Variants in LRP6 observed in about 807,000 individuals in gnomAD.
LRP6 encodes the protein low-density lipoprotein receptor-related protein 6.
A neutral mutation model predicts 184.1 loss-of-function variants in LRP6; 43 were observed. That is an observed-to-expected ratio of 0.23 (90% CI 0.18 to 0.30). The LOEUF (loss-of-function observed/expected upper bound fraction) is 0.30, where lower values mean the gene tolerates loss of function less well. LRP6 is among the 10% of genes least tolerant of loss of function. The pLI, the probability that LRP6 is intolerant of heterozygous loss-of-function variation, is 1.00. For missense variants in LRP6, 1,571 were observed against 2,005.3 expected, an observed-to-expected ratio of 0.78 and a Z score of 4.14; for synonymous variants, 719 against 684.9, an observed-to-expected ratio of 1.05 and a Z score of -0.78.
At chr12:12,213,717 C>T (rs1482523259) in intron 2 of LRP6, among the ~76,000 whole-genome samples, 5 of 151,930 alleles carry the variant, frequency 3.3e-5, no homozygotes, top group Non-Finnish European at 5.9e-5. Context: ...ACGGTAAATT[C>T]TTCTAGTATG....
chr12:12,190,613 T>A (rs1267655331), intron 3 of LRP6, among the ~76,000 whole-genome samples: 1 of 152,224 alleles, frequency 6.6e-6, no homozygotes, highest in Admixed American at 6.5e-5. Context: ...ACTGGACTTA[T>A]CCTTTATAAA....
In LRP6 at chr12:12,156,255, G is replaced by A. The variant is rs186122708; in HGVS notation, c.2791+2574C>T. 5.3e-5 allele frequency among the ~76,000 whole-genome samples: 8 copies of A among 152,236 alleles called. No individual in the cohort carries two copies. The East Asian group carries it at 1.5e-3, about 29-fold the overall frequency. ...TTAAGCAAAGACTTGGACGTGAAGGGTATCCACGCAAATATATGCAATAAC... is the reference window on the plus strand; with the variant it reads ...TTAAGCAAAGACTTGGACGTGAAGGATATCCACGCAAATATATGCAATAAC... On this transcript the variant is annotated intron_variant, in intron 12 of 22. Transcript: ENST00000261349.
intron 22 of LRP6, 119 bp from the exon 23 acceptor site, chr12:12,121,539 T>A: frequency 1.1e-6 from 1 of 950,994 alleles, no homozygotes; most frequent in African/African-American, 1.6e-5. Context: ...TACTGCAATT[T>A]AAATTTACAC....
At chr12:12,252,471 A>G (rs775489287) in intron 1 of LRP6, among the ~76,000 whole-genome samples, 17 of 152,260 alleles carry the variant, frequency 1.1e-4, no homozygotes, top group Middle Eastern at 3.2e-3. Context: ...AGTTTAAGTT[A>G]AATTTGTATA....
chr12:12,127,181 A>T (rs1332479171), intron 19 of LRP6, among the ~76,000 whole-genome samples: 2 of 152,260 alleles, frequency 1.3e-5, no homozygotes, highest in Non-Finnish European at 2.9e-5. Flanking sequence ...AATTGTAAAC[A>T]GATAGAAACA....
chr12:12,159,044 T>C lies in LRP6; in HGVS notation c.2576A>G (p.Asn859Ser). ...GGTGCGGTTTTGGCCACTGGTTTTGTTGGCACGCTCAATGCTGCGTCGGCT... is the reference window on the plus strand; with the variant it reads ...GGTGCGGTTTTGGCCACTGGTTTTGCTGGCACGCTCAATGCTGCGTCGGCT... ...DWSRRSIERA[N>S]KTSGQNRTII... The change falls in exon 12 of 23, where the codon AAC (asparagine) becomes AGC (serine). Residue 859 changes from asparagine to serine, a missense_variant. Around this residue, in one of 4 missense-constraint regions of LRP6, gnomAD observed 158 missense variants for 258.4 expected, o/e 0.61. Transcript: ENST00000261349. 1 of 1,614,192 alleles carries C rather than the reference T, an allele frequency of 6.2e-7. No individual in the cohort carries two copies. The highest frequency in any genetic ancestry group is 1.1e-5 in the South Asian group (1 of 91,078).
At chr12:12,228,473 G>A (rs1409699726) in intron 2 of LRP6, among the ~76,000 whole-genome samples, 2 of 152,194 alleles carry the variant, frequency 1.3e-5, no homozygotes, top group Non-Finnish European at 2.9e-5. Context: ...TGAGTCTTTA[G>A]TCTCAGGATC....
intron 7 of LRP6, among the ~76,000 whole-genome samples, chr12:12,179,329 C>T (rs1040330595): frequency 2.0e-5 from 3 of 151,652 alleles, no homozygotes; most frequent in Admixed American, 6.6e-5. Flanking sequence ...ATATATTCTA[C>T]CATCTGCCCC....
chr12:12,188,689 A>C (rs994804951), intron 3 of LRP6, among the ~76,000 whole-genome samples: 3 of 152,168 alleles, frequency 2.0e-5, no homozygotes, highest in Non-Finnish European at 4.4e-5. Context: ...TCTCTTCCCT[A>C]AGTAAAAAGC....
chr12:12,129,902 A>G (rs1949724134), intron 19 of LRP6, among the ~76,000 whole-genome samples: 1 of 152,024 alleles, frequency 6.6e-6, no homozygotes, highest in African/African-American at 2.4e-5. Context: ...GATCAAGTCC[A>G]TCTTTGTCCC....
intron 7 of LRP6, among the ~76,000 whole-genome samples, chr12:12,179,284 T>C (rs1345445574): frequency 1.3e-5 from 2 of 152,116 alleles, no homozygotes; most frequent in Non-Finnish European, 2.9e-5. Flanking sequence ...TAAATCAATT[T>C]TAAAATTGTT....
At chr12:12,253,183 G>A (rs1865367330) in intron 1 of LRP6, among the ~76,000 whole-genome samples, 1 of 152,158 alleles carries the variant, frequency 6.6e-6, no homozygotes, top group Non-Finnish European at 1.5e-5. Flanking sequence ...AGAATCACTG[G>A]AACCCAGAAG....
chr12:12,215,648 G>A (rs1864323762), intron 2 of LRP6, among the ~76,000 whole-genome samples: 1 of 151,768 alleles, frequency 6.6e-6, no homozygotes, highest in African/African-American at 2.4e-5. Flanking sequence ...ACCGTGCCTG[G>A]CCAAGGACTA....
At chr12:12,257,446 T>C (rs150244747) in intron 1 of LRP6, among the ~76,000 whole-genome samples, 6,236 of 150,652 alleles carry the variant, frequency 0.041, 177 homozygotes, top group Middle Eastern at 0.16. Flanking sequence ...CTGGGCGTGG[T>C]GGTGGGCGCC....
At chr12:12,211,366 T>A (rs954307163) in intron 2 of LRP6, among the ~76,000 whole-genome samples, 8 of 152,126 alleles carry the variant, frequency 5.3e-5, no homozygotes, top group African/African-American at 1.9e-4. Flanking sequence ...CACTTGAACC[T>A]GGGAGGTGGA....
chr12:12,185,922 T>C (rs1437518101), intron 4 of LRP6, among the ~76,000 whole-genome samples: 1 of 151,072 alleles, frequency 6.6e-6, no homozygotes, highest in African/African-American at 2.4e-5. Flanking sequence ...CTTGGCTCAC[T>C]GCAACCTCTG....
At chr12:12,210,108 C>T (rs539433286) in intron 2 of LRP6, among the ~76,000 whole-genome samples, 1 of 152,238 alleles carries the variant, frequency 6.6e-6, no homozygotes, top group South Asian at 2.1e-4. Flanking sequence ...AGAAATCCCA[C>T]GTGTATTATT....
In LRP6 at chr12:12,125,370, G is replaced by T. The variant is rs370360394; in HGVS notation, c.4375C>A (p.Pro1459Thr). The T allele has an allele frequency of 9.9e-6, 16 of 1,613,850 alleles. No homozygotes were observed. The highest frequency in any genetic ancestry group is 1.3e-5 in the African/African-American group (1 of 74,872). Residue 1459 changes from proline to threonine, a missense_variant, in exon 21 of 23, where the codon CCC becomes ACC. This residue lies in a region of LRP6 where 763 missense variants were observed against 859.5 expected (regional missense o/e 0.89). Coordinates refer to ENST00000261349, the MANE Select transcript of LRP6 (RefSeq NM_002336.3). ...CCTGTAACATGGGCTCGGTCATAGG[G>T]GGGTCCACTGCTTCCCCCCATGATA... The part of the protein sequence containing the change: ...LSIMGGSSGP[P>T]YDRAHVTGAS...
At chr12:12,184,904 G>C (rs533606584) in intron 4 of LRP6, among the ~76,000 whole-genome samples, 40 of 152,242 alleles carry the variant, frequency 2.6e-4, no homozygotes, top group Non-Finnish European at 5.1e-4. Flanking sequence ...ATAAGATGGA[G>C]ACCAATGGAA....
Sources: allele counts gnomAD v4.1 joint callset (sites outside exome capture counted in the v4.1 genomes callset), GRCh38; gene constraint gnomAD v4.1.1; regional missense constraint gnomAD v4.1.1; transcripts MANE v1.5; gene names NCBI Gene and HGNC (gene_info 2026-07-23, HGNC 2026-07-21).